Variants in ZNF536 observed in about 807,000 individuals in gnomAD.
The protein encoded by ZNF536 is zinc finger protein 536.
Under a neutral mutation model 84.5 loss-of-function variants are expected in ZNF536, and 13 were observed. The ratio of observed to expected loss-of-function variants is 0.15; its 90% CI spans 0.10 to 0.24. The LOEUF (loss-of-function observed/expected upper bound fraction) is 0.24. ZNF536 is among the 10% of genes least tolerant of loss of function. The probability of loss-of-function intolerance (pLI) is 1.00; values close to 1 mark genes in which losing one functional copy is unlikely to be tolerated. For synonymous variants in ZNF536, 811 were observed against 742.5 expected (o/e 1.09, Z -1.50); for missense variants, 1,536 against 1,747.5 (o/e 0.88, Z 2.16).
chr19:30,667,148 G>A (rs2050355088), intron 1 of ZNF536, among the ~76,000 whole-genome samples: 1 of 152,274 alleles, frequency 6.6e-6, no homozygotes, highest in Middle Eastern at 3.4e-3. Flanking sequence ...GCACAGCACC[G>A]AGGACTAATG....
At chr19:30,421,018 T>C (rs2050934393) in intron 1 of ZNF536, among the ~76,000 whole-genome samples, 1 of 152,150 alleles carries the variant, frequency 6.6e-6, no homozygotes, top group Non-Finnish European at 1.5e-5. Context: ...GGGGCTCTTC[T>C]TTCCCGTGGC....
chr19:30,617,420 G>C (rs1022966939), intron 1 of ZNF536, among the ~76,000 whole-genome samples: 13 of 132,806 alleles, frequency 9.8e-5, no homozygotes, highest in African/African-American at 2.0e-4. Flanking sequence ...GTGCAATCTC[G>C]GCTCACTGCA....
chr19:30,504,008 T>C (rs1326325791), intron 2 of ZNF536, among the ~76,000 whole-genome samples: 1 of 151,954 alleles, frequency 6.6e-6, no homozygotes, highest in Non-Finnish European at 1.5e-5. Context: ...AGTTGGGAAG[T>C]GTAACTGATA....
intron 2 of ZNF536, among the ~76,000 whole-genome samples, chr19:30,524,329 T>C (rs1568514570): frequency 6.6e-6 from 1 of 152,342 alleles, no homozygotes; most frequent in Non-Finnish European, 1.5e-5. Flanking sequence ...TTTGTGGTTA[T>C]AAGGTACTAG....
At chr19:30,628,255 C>T (rs1286896573) in intron 1 of ZNF536, among the ~76,000 whole-genome samples, 2 of 152,198 alleles carry the variant, frequency 1.3e-5, no homozygotes, top group African/African-American at 4.8e-5. Flanking sequence ...TGCCACCAGT[C>T]ACAGCCGCCT....
At chr19:30,413,084 A>G (rs1465845475) in intron 1 of ZNF536, among the ~76,000 whole-genome samples, 1 of 151,794 alleles carries the variant, frequency 6.6e-6, no homozygotes, top group Non-Finnish European at 1.5e-5. Context: ...CCTCAATCCC[A>G]TGTTGTTTGT....
chr19:30,623,032 G>GTTTTTTTTTTTTTTT (rs1169214591), intron 1 of ZNF536, among the ~76,000 whole-genome samples: 28 of 92,890 alleles, frequency 3.0e-4, no homozygotes, highest in African/African-American at 1.3e-3. Flanking sequence ...TTTTTTTTTT[G>GTTTTTTTTTTTTTTT]TTTTTTTGTT....
In ZNF536 at chr19:30,653,007, C is replaced by T. The variant is rs529675309; in HGVS notation, c.170-57750C>T. Among the ~76,000 whole-genome samples the T allele has an allele frequency of 2.0e-4, 30 of 152,264 alleles. No homozygotes were observed. In the East Asian group the frequency reaches 4.4e-3, roughly 23 times the overall value. ...TCAGAATCCAGGATCCTCCCAGGAC[C>T]GAATGGCGGCTATTTCTAGCCTAGT... On this transcript the variant is annotated intron_variant, in intron 1 of 1. Transcript: ENST00000592773.
chr19:30,658,034 T>C (rs969146879), intron 1 of ZNF536, among the ~76,000 whole-genome samples: 1 of 150,590 alleles, frequency 6.6e-6, no homozygotes, highest in African/African-American at 2.4e-5. Flanking sequence ...CCCCCTTTTT[T>C]TTCCTTCAGA....
At chr19:30,415,531 T>C (rs1015997860) in intron 1 of ZNF536, among the ~76,000 whole-genome samples, 1 of 151,832 alleles carries the variant, frequency 6.6e-6, no homozygotes, top group Non-Finnish European at 1.5e-5. Context: ...CTTTCAAACG[T>C]AATTCTTTTT....
chr19:30,656,148 C>T (rs2049903602), intron 1 of ZNF536, among the ~76,000 whole-genome samples: 1 of 152,178 alleles, frequency 6.6e-6, no homozygotes, highest in Non-Finnish European at 1.5e-5. Context: ...TTCTAGAGTC[C>T]TGGAGACCTT....
chr19:30,588,415 A>AGGAGG (rs2146760709), intron 1 of ZNF536, among the ~76,000 whole-genome samples: 1 of 152,212 alleles, frequency 6.6e-6, no homozygotes, highest in South Asian at 2.1e-4. Flanking sequence ...GACCCCTTTG[A>AGGAGG]GGAGGAGATT....
intron 1 of ZNF536, among the ~76,000 whole-genome samples, chr19:30,605,992 A>G (rs563438214): frequency 1.3e-5 from 2 of 152,014 alleles, no homozygotes; most frequent in African/African-American, 4.8e-5. Context: ...CCAGGTAGCC[A>G]GTCTTCTGTG....
At position 30,378,787 on chromosome 19, in the gene ZNF536, C is replaced by T. The variant is rs144929140; in HGVS notation, c.-3+6231C>T. On this transcript the variant is annotated intron_variant, in intron 1 of 4. Coordinates refer to ENST00000355537, the MANE Select transcript of ZNF536 (RefSeq NM_014717.3). ...AAAGAAAAGCATGAAACCTTGAGTG[C>T]CCCTTAACAAGGTGGGAGATGGCTT... is the stretch of plus-strand genomic sequence containing the variant. Among the ~76,000 whole-genome samples, 618 of 152,302 alleles carry T rather than the reference C, an allele frequency of 4.1e-3. 2 individuals carry two copies. The highest frequency in any genetic ancestry group is 0.014 in the African/African-American group (570 of 41,572).
At chr19:30,609,492 C>T (rs975341917) in intron 1 of ZNF536, among the ~76,000 whole-genome samples, 3 of 152,160 alleles carry the variant, frequency 2.0e-5, no homozygotes, top group African/African-American at 7.2e-5. Flanking sequence ...TTGCAGCTGG[C>T]AAATGAAATA....
At chr19:30,586,092 T>G (rs2146731206) in intron 1 of ZNF536, among the ~76,000 whole-genome samples, 1 of 152,344 alleles carries the variant, frequency 6.6e-6, no homozygotes, top group Admixed American at 6.5e-5. Flanking sequence ...CCTCTGCCAC[T>G]TAATAGCTAT....
intron 1 of ZNF536, among the ~76,000 whole-genome samples, chr19:30,564,099 A>G (rs1485763610): frequency 2.0e-5 from 3 of 152,186 alleles, no homozygotes; most frequent in Admixed American, 6.5e-5. Flanking sequence ...ATGAAGATAG[A>G]GGGAGAGAAG....
At chr19:30,271,135 CATGCA>C (rs2145460475) in intron 1 of ZNF536, among the ~76,000 whole-genome samples, 1 of 152,132 alleles carries the variant, frequency 6.6e-6, no homozygotes, top group South Asian at 2.1e-4. Context: ...GGAACTTTAC[CATGCA>C]ATAGGCAAAG....
At chr19:30,522,728 G>C (rs1291205274) in intron 2 of ZNF536, among the ~76,000 whole-genome samples, 1 of 152,062 alleles carries the variant, frequency 6.6e-6, no homozygotes, top group South Asian at 2.1e-4. Context: ...TTGGTCCCCT[G>C]TCTTAAATTT....
Sources: allele counts gnomAD v4.1 joint callset (sites outside exome capture counted in the v4.1 genomes callset), GRCh38; gene constraint gnomAD v4.1.1; transcripts MANE v1.5; gene names NCBI Gene and HGNC (gene_info 2026-07-23, HGNC 2026-07-21).